The following ABCA10 variants were observed in gnomAD, a reference collection of about 807,000 sequenced individuals.
ABCA10 encodes ATP-binding cassette sub-family A member 10.
A neutral mutation model predicts 187.5 loss-of-function variants in ABCA10; 169 were observed. The ratio of observed to expected loss-of-function variants is 0.90; its 90% CI spans 0.80 to 1.02. The LOEUF is 1.02. ABCA10 is among the 50% of genes least tolerant of loss of function. The pLI, the probability that ABCA10 is intolerant of heterozygous loss-of-function variation, is 0.00. For missense variants in ABCA10, 1,727 were observed against 1,812.4 expected (o/e 0.95, Z 0.86); for synonymous variants, 574 against 601.8 (o/e 0.95, Z 0.68).
chr17:69,243,525 A>T (rs1192536818), intron 1 of ABCA10, among the ~76,000 whole-genome samples: 1 of 152,226 alleles, frequency 6.6e-6, no homozygotes, highest in Non-Finnish European at 1.5e-5. Context: ...AAATGTTGTT[A>T]TGCAACACAT....
chr17:69,176,781 T>C (rs1363400955), intron 22 of ABCA10, among the ~76,000 whole-genome samples: 1 of 152,178 alleles, frequency 6.6e-6, no homozygotes. Flanking sequence ...TTAAAACTGA[T>C]AAATTATTTC....
chr17:69,237,847 G>A (rs922578022), intron 1 of ABCA10, among the ~76,000 whole-genome samples: 2 of 152,116 alleles, frequency 1.3e-5, no homozygotes, highest in African/African-American at 4.8e-5. Context: ...ATAAGCATCT[G>A]CAAGCTAAGG....
chr17:69,153,973 G>A lies in ABCA10; in HGVS notation c.3823C>T (p.Gln1275Ter), dbSNP rs750499120. The A allele has an allele frequency of 4.3e-6, 7 of 1,613,984 alleles. No individual in the cohort carries two copies. The South Asian group carries it at 7.7e-5, about 18-fold the overall frequency. ...LQGSRASVRQ[Q>*]HDNSLKFLGY... ...AAGAACTTGAGGCTGTTGTCATGCT[G>A]TTGCCTTACTGATGCTCTGCTGCCT... is the stretch of plus-strand genomic sequence containing the variant. The change falls in exon 32 of 39, where the codon CAG (glutamine) becomes TAG (stop). Residue 1275 changes from glutamine to a stop codon, truncating the protein, a stop_gained. Transcript: ENST00000690296. LOFTEE classifies it high-confidence loss of function.
At position 69,203,455 on chromosome 17, in the gene ABCA10, A is replaced by G. The variant is rs143788009; in HGVS notation, c.1007-1787T>C. On this transcript the variant is annotated intron_variant, in intron 9 of 38. Coordinates refer to ENST00000690296, the MANE Select transcript of ABCA10 (RefSeq NM_001377321.1). ...TCACCCCTAGTAGCCAAAGCCGGAAACCAGTGAGCCATCCTCATCTCTTTT... is the reference window on the plus strand; with the variant it reads ...TCACCCCTAGTAGCCAAAGCCGGAAGCCAGTGAGCCATCCTCATCTCTTTT... Among the ~76,000 whole-genome samples, 1,485 of 152,316 alleles carry G rather than the reference A, an allele frequency of 9.7e-3. 85 individuals carry two copies. Among genetic ancestry groups the G allele is most frequent in the Admixed American group, 0.084 (1,290 of 15,300 alleles).
chr17:69,216,452 C>A (rs1254812911), intron 6 of ABCA10, 94 bp from the exon 7 acceptor site: 3 of 1,384,176 alleles, frequency 2.2e-6, no homozygotes, highest in Admixed American at 2.4e-5. Context: ...GCTCTGAAAT[C>A]AGGACTAAAT....
upstream of ABCA10, among the ~76,000 whole-genome samples, chr17:69,231,531 T>C (rs1028420246): frequency 6.6e-6 from 1 of 152,164 alleles, no homozygotes; most frequent in Non-Finnish European, 1.5e-5. Flanking sequence ...GACCCATTAG[T>C]GGCTCATGAG....
chr17:69,222,294 C>T (rs942430203), intron 4 of ABCA10, among the ~76,000 whole-genome samples: 6 of 149,782 alleles, frequency 4.0e-5, no homozygotes, highest in Non-Finnish European at 7.4e-5. Flanking sequence ...GCCAAGATCG[C>T]GCCACTGCAC....
rs1568047394 is a variant in ABCA10, at chr17:69,152,195, G to A, written c.4257-12C>T. The A allele has an allele frequency of 2.5e-6, 4 of 1,591,414 alleles. No individual in the cohort carries two copies. The Admixed American group carries it at 5.6e-5, about 22-fold the overall frequency. On this transcript the variant is annotated splice_polypyrimidine_tract_variant and intron_variant, in intron 35 of 38. Transcript: ENST00000690296. ...TGGAACCAATACACCTAGTTCAGGG[G>A]AAATAAAGAAAAAATACTTGTCTCT...
At chr17:69,192,752 T>G (rs2074470473) in intron 15 of ABCA10, 99 bp from the exon 16 acceptor site, 1 of 1,020,528 alleles carries the variant, frequency 9.8e-7, no homozygotes, top group African/African-American at 1.6e-5. Context: ...AAATTTGTAA[T>G]ATCAATACAA....
chr17:69,158,437 C>T (rs528140093), intron 27 of ABCA10, among the ~76,000 whole-genome samples: 3 of 151,264 alleles, frequency 2.0e-5, no homozygotes, highest in Admixed American at 1.3e-4. Flanking sequence ...TGTATAGAAA[C>T]CTAGCTAGAA....
Position 69,216,298 on chromosome 17 carries a change from C to T in ABCA10, c.591G>A (p.Leu197=), listed in dbSNP as rs919605952. 1.9e-6 allele frequency: 3 copies of T among 1,613,282 alleles called. No individual in the cohort carries two copies. Among genetic ancestry groups the T allele is most frequent in the Non-Finnish European group, 2.5e-6 (3 of 1,179,506 alleles). ...ATACAATTGGGATTGATGTTATGACCAGAGCCATAAAAATGGACATAATGA... is the reference window on the plus strand; with the variant it reads ...ATACAATTGGGATTGATGTTATGACTAGAGCCATAAAAATGGACATAATGA... ...FIFIMSIFMA[L]VITSIPIVFH... Residue 197 remains leucine, a synonymous_variant, in exon 7 of 39, where the codon CTG becomes CTA. Transcript: ENST00000690296.
intron 25 of ABCA10, among the ~76,000 whole-genome samples, chr17:69,166,905 C>T (rs573067287): frequency 3.9e-5 from 6 of 152,170 alleles, no homozygotes; most frequent in South Asian, 2.1e-4. Flanking sequence ...CAGGATTTAA[C>T]GTAGAAAAGG....
chr17:69,181,486 T>C (rs1362891795), intron 22 of ABCA10, among the ~76,000 whole-genome samples: 2 of 152,186 alleles, frequency 1.3e-5, no homozygotes, highest in East Asian at 3.9e-4. Context: ...TCAGACAAGA[T>C]TTTAAACTAG....
intron 7 of ABCA10, 67 bp from the exon 8 acceptor site, chr17:69,216,067 G>A (rs757914376): frequency 7.7e-6 from 12 of 1,562,644 alleles, no homozygotes; most frequent in East Asian, 4.5e-5. Flanking sequence ...AATATTCATC[G>A]ATTTCTCACA....
upstream of ABCA10, chr17:69,233,246 C>T (rs914769227): frequency 6.6e-6 from 1 of 152,112 alleles, no homozygotes; most frequent in East Asian, 1.9e-4. Flanking sequence ...GCCTTCTTCA[C>T]TGTCTTTTCA....
chr17:69,209,761 A>G (rs1598116549), intron 9 of ABCA10, among the ~76,000 whole-genome samples: 1 of 152,334 alleles, frequency 6.6e-6, no homozygotes, highest in South Asian at 2.1e-4. Context: ...ACCTAATGAT[A>G]TAGTCTACTA....
chr17:69,161,740 G>A (rs2074220167), intron 27 of ABCA10, among the ~76,000 whole-genome samples: 1 of 152,176 alleles, frequency 6.6e-6, no homozygotes, highest in African/African-American at 2.4e-5. Context: ...ACATTCATTT[G>A]AAAAGAGCCC....
chr17:69,201,939 C>T (rs948211613), intron 9 of ABCA10, among the ~76,000 whole-genome samples: 8 of 152,272 alleles, frequency 5.3e-5, no homozygotes, highest in African/African-American at 7.2e-5. Flanking sequence ...CCTGCCACCA[C>T]GCCCGGCTAA....
At chr17:69,161,195 T>G (rs1040102445) in intron 27 of ABCA10, among the ~76,000 whole-genome samples, 1 of 152,118 alleles carries the variant, frequency 6.6e-6, no homozygotes, top group African/African-American at 2.4e-5. Flanking sequence ...ATAAGATATA[T>G]AAAGTAGTAA....
Sources: gnomAD v4.1 joint callset for allele counts (sites outside exome capture counted in the v4.1 genomes callset) on GRCh38, gnomAD v4.1.1 for gene constraint, MANE v1.5 for transcripts, NCBI Gene and HGNC (gene_info 2026-07-23, HGNC 2026-07-21) for gene names.